Variants in SLC22A7 observed in about 807,000 individuals in gnomAD.
SLC22A7 encodes hOAT2.
Under a neutral mutation model 62.2 loss-of-function variants are expected in SLC22A7, and 48 were observed. The observed-to-expected ratio is 0.77, with a 90% CI of 0.61 to 0.98. The LOEUF (loss-of-function observed/expected upper bound fraction) is 0.98. Ranked by LOEUF, SLC22A7 falls within the 50% of genes least tolerant of loss-of-function variation. SLC22A7 has a pLI of 0.00. For missense variants in SLC22A7, 581 were observed against 703.8 expected, an observed-to-expected ratio of 0.83 and a Z score of 1.97; for synonymous variants, 276 against 314.8, an observed-to-expected ratio of 0.88 and a Z score of 1.30.
In SLC22A7 at chr6:43,304,249, G is replaced by A. The variant is rs775186133; in HGVS notation, c.1592+5G>A. The A allele has an allele frequency of 6.5e-7, 1 of 1,542,492 alleles. No individual in the cohort carries two copies. Among genetic ancestry groups the A allele is most frequent in the Non-Finnish European group, 8.8e-7 (1 of 1,142,676 alleles). On this transcript the variant is annotated splice_donor_5th_base_variant and intron_variant, in intron 10 of 10. Coordinates refer to ENST00000372585, the MANE Select transcript of SLC22A7 (RefSeq NM_153320.2). Reference sequence around the variant, plus strand: ...CCAGGACGTGGAGAGAAAGAGGTGTGTGCACAGGACTGTGTCTGTGTACGT... The same window carrying A: ...CCAGGACGTGGAGAGAAAGAGGTGTATGCACAGGACTGTGTCTGTGTACGT...
At position 43,302,288 on chromosome 6, in the gene SLC22A7, G is replaced by A; in HGVS notation, c.1150G>A (p.Ala384Thr). 1.9e-6 allele frequency: 3 copies of A among 1,613,894 alleles called. No homozygotes were observed. Among genetic ancestry groups the A allele is most frequent in the Non-Finnish European group, 2.5e-6 (3 of 1,179,924 alleles). The part of the protein sequence containing the change: ...NVYQTQLLFG[A>T]VELPSKLLVY... ...GTACCAGACACAGCTGTTGTTCGGG[G>A]CTGTGGAACTGCCCTCCAAGCTGCT... Residue 384 changes from alanine (A) to threonine (T), a missense_variant, in exon 8 of 11, where the codon GCT becomes ACT. Ala to Thr is a moderately conservative substitution (Grantham distance 58). Coordinates refer to ENST00000372585, the MANE Select transcript of SLC22A7 (RefSeq NM_153320.2). The surrounding 1 kb of genome is among the most constrained non-coding windows in gnomAD (Gnocchi z 5.0).
chr6:43,297,477 T>C (rs1778586711), upstream of SLC22A7, among the ~76,000 whole-genome samples: 1 of 152,172 alleles, frequency 6.6e-6, no homozygotes, highest in Non-Finnish European at 1.5e-5. Context: ...AGGGTCAGAT[T>C]GAACATTTGA....
At chr6:43,304,380 C>A in intron 10 of SLC22A7, 136 bp downstream of exon 10, 1 of 785,370 alleles carries the variant, frequency 1.3e-6, no homozygotes. Flanking sequence ...TGTGTGCGTG[C>A]ACAGGTGAGT....
chr6:43,299,660 C>A lies in SLC22A7; in HGVS notation c.537C>A (p.Tyr179Ter), dbSNP rs563268208. The A allele has an allele frequency of 1.2e-6, 2 of 1,614,082 alleles. No individual in the cohort carries two copies. Among genetic ancestry groups the A allele is most frequent in the Non-Finnish European group, 1.7e-6 (2 of 1,180,046 alleles). ...GGCGGCGTCTGCTGCTGGTAGCCTA[C>A]GTGAGTACCCTGGTGCTGGGCCTGG... ...FGRRRLLLVA[Y>*]VSTLVLGLAS... The change falls in exon 4 of 11, where the codon TAC (tyrosine) becomes TAA (stop). Residue 179 changes from tyrosine (Y) to a stop codon, truncating the protein, a stop_gained. Coordinates refer to ENST00000372585, the MANE Select transcript of SLC22A7 (RefSeq NM_153320.2). LOFTEE classifies it high-confidence loss of function. This position sits in a 1 kb window ranked among gnomAD's most constrained non-coding sequence, Gnocchi z 4.4.
In SLC22A7 at chr6:43,299,019, C is replaced by G. The variant is rs1778637687; in HGVS notation, c.394-73C>G. On this transcript the variant is annotated intron_variant, in intron 1 of 10. Coordinates refer to ENST00000372585, the MANE Select transcript of SLC22A7 (RefSeq NM_153320.2). The surrounding 1 kb of genome is among the most constrained non-coding windows in gnomAD (Gnocchi z 4.4). ...GGCTTCAGGGAGTTGAGACAAAGAG[C>G]TGAGAAGGCAATTTCTGCAGCAAGA... The G allele has an allele frequency of 4.8e-6, 7 of 1,444,302 alleles. No homozygotes were observed. The highest frequency in any genetic ancestry group is 3.8e-6 in the Non-Finnish European group (4 of 1,061,562). The allele number at this position is 1,444,302 out of a possible 1,614,324, so 89.5% of individuals were successfully genotyped here. A position where few individuals can be genotyped will look rare whatever the true frequency, so the allele number is the denominator to read the frequency against.
rs1451787276 is a variant in SLC22A7 at position 43,304,798 on chromosome 6, A to C, written c.*73A>C. ...GGAGAGCAGAAGGGCAGGCCCTGCAACTCAGGCTGGGAGTATCGAACCCTC... is the reference window on the plus strand; with the variant it reads ...GGAGAGCAGAAGGGCAGGCCCTGCACCTCAGGCTGGGAGTATCGAACCCTC... On this transcript the variant is annotated 3_prime_UTR_variant, in exon 11 of 11. Coordinates refer to ENST00000372585, the MANE Select transcript of SLC22A7 (RefSeq NM_153320.2). 5.5e-6 allele frequency: 7 copies of C among 1,270,736 alleles called. No individual in the cohort carries two copies. In the East Asian group the frequency reaches 1.8e-4, roughly 33 times the overall value. 78.7% of individuals were successfully genotyped at this position (1,270,736 alleles called of 1,614,324 possible). A position where few individuals can be genotyped will look rare whatever the true frequency, so the allele number is the denominator to read the frequency against.
chr6:43,298,308 G>A lies in SLC22A7; in HGVS notation c.-51G>A. 6.6e-7 allele frequency: 1 copy of A among 1,518,040 alleles called. No individual in the cohort carries two copies. Among genetic ancestry groups the A allele is most frequent in the Admixed American group, 1.8e-5 (1 of 55,770 alleles). The allele number at this position is 1,518,040 out of a possible 1,614,324, so 94.0% of individuals were successfully genotyped here. On this transcript the variant is annotated 5_prime_UTR_variant, in exon 1 of 11. Coordinates refer to ENST00000372585, the MANE Select transcript of SLC22A7 (RefSeq NM_153320.2). ...GTCTATGTGGTGGGCAGTTTGAGCT[G>A]GCTGGATACTAGAGGGAGGCTGCAC...
Position 43,299,535 on chromosome 6 carries a change from A to G in SLC22A7, c.503+42A>G. The G allele has an allele frequency of 6.2e-7, 1 of 1,605,030 alleles. No individual in the cohort carries two copies. Among genetic ancestry groups the G allele is most frequent in the Non-Finnish European group, 8.5e-7 (1 of 1,173,984 alleles). ...GGCCAATAAGAAACTGGCTGGGGGA[A>G]CTTTCTCCCACTAGCTGGGGTATGA... On this transcript the variant is annotated intron_variant, in intron 3 of 10. Transcript: ENST00000372585. This position sits in a 1 kb window ranked among gnomAD's most constrained non-coding sequence, Gnocchi z 4.4.
At chr6:43,301,058 A>T in intron 5 of SLC22A7, 77 bp from the exon 6 acceptor site, 1 of 1,579,750 alleles carries the variant, frequency 6.3e-7, no homozygotes, top group East Asian at 2.3e-5. Flanking sequence ...CTGGAAGTTG[A>T]GAGCCTGTAG....
At chr6:43,300,301 A>C in intron 5 of SLC22A7, 1 of 569,972 alleles carries the variant, frequency 1.8e-6, no homozygotes, top group Non-Finnish European at 3.1e-6. Context: ...AGAGATAAAG[A>C]CAGAGCCAAA....
chr6:43,304,129 C>T lies in SLC22A7; in HGVS notation c.1477C>T (p.Leu493=), dbSNP rs1778857255. 1 of 1,608,238 alleles carries T rather than the reference C, an allele frequency of 6.2e-7. No homozygotes were observed. The highest frequency in any genetic ancestry group is 8.5e-7 in the Non-Finnish European group (1 of 1,176,606). ...AALLDGVWLS[L]PKLTYGGIAL... is the part of the protein sequence containing the mutation. ...CTTGCTGGATGGAGTGTGGCTGTCA[C>T]TGCCCAAGCTTACTTATGGGGGGAT... is the stretch of plus-strand genomic sequence containing the variant. Residue 493 remains leucine (L), a synonymous_variant, in exon 10 of 11, where the codon CTG becomes TTG. Coordinates refer to ENST00000372585, the MANE Select transcript of SLC22A7 (RefSeq NM_153320.2).
rs1237431503 is a variant in SLC22A7, at chr6:43,299,066, T to C, written c.394-26T>C. The C allele has an allele frequency of 1.3e-6, 2 of 1,572,668 alleles. No homozygotes were observed. The highest frequency in any genetic ancestry group is 1.7e-6 in the Non-Finnish European group (2 of 1,159,442). On this transcript the variant is annotated intron_variant, in intron 1 of 10. Transcript: ENST00000372585. This position sits in a 1 kb window ranked among gnomAD's most constrained non-coding sequence, Gnocchi z 4.4. Reference sequence around the variant, plus strand: ...AAGAGGTGGAGAAACAATAGAGGCCTTCTTTTCTCCCTTCCTCTTTTCCAG... The same window carrying C: ...AAGAGGTGGAGAAACAATAGAGGCCCTCTTTTCTCCCTTCCTCTTTTCCAG...
chr6:43,303,015 A>G (rs1464241628), intron 9 of SLC22A7: 2 of 666,446 alleles, frequency 3.0e-6, no homozygotes, highest in African/African-American at 3.9e-5. Flanking sequence ...CACCGCACCC[A>G]GCCTCTCACT....
chr6:43,302,869 TTTTTAA>T lies in SLC22A7; in HGVS notation c.1385+117_1385+122del. 1.2e-6 allele frequency: 1 copy of T among 805,806 alleles called. No homozygotes were observed. The highest frequency in any genetic ancestry group is 2.7e-5 in the East Asian group (1 of 36,868). The allele number at this position is 805,806 out of a possible 1,614,324, so 49.9% of individuals were successfully genotyped here. A position where few individuals can be genotyped will look rare whatever the true frequency, so the allele number is the denominator to read the frequency against. On this transcript the variant is annotated intron_variant, in intron 9 of 10. Transcript: ENST00000372585. The surrounding 1 kb of genome is among the most constrained non-coding windows in gnomAD (Gnocchi z 5.0). The stretch of plus-strand genomic sequence containing the variant: ...ACAACCTGGTCTCTCACTCATTTTT[TTTTTAA>T]TTTTAATTTTTGGTAGAGACGGGGT...
chr6:43,299,691 G>A lies in SLC22A7; in HGVS notation c.568G>A (p.Ala190Thr), dbSNP rs752300645. ...TACCCTGGTGCTGGGCCTGGCATCT[G>A]CAGCCTCCGTCAGCTATGTAATGTT... ...VSTLVLGLAS[A>T]ASVSYVMFAI... Residue 190 changes from alanine to threonine, a missense_variant, in exon 4 of 11, where the codon GCA (alanine) becomes ACA (threonine). Transcript: ENST00000372585. This position sits in a 1 kb window ranked among gnomAD's most constrained non-coding sequence, Gnocchi z 4.4. 3 of 1,614,078 alleles carry A rather than the reference G, an allele frequency of 1.9e-6. No individual in the cohort carries two copies. Among genetic ancestry groups the A allele is most frequent in the Admixed American group, 1.7e-5 (1 of 60,002 alleles).
At position 43,304,261 on chromosome 6, in the gene SLC22A7, G is replaced by A; in HGVS notation, c.1592+17G>A. ...GAGAAAGAGGTGTGTGCACAGGACT[G>A]TGTCTGTGTACGTGTGATAACATGC... On this transcript the variant is annotated intron_variant, in intron 10 of 10. Transcript: ENST00000372585. 2 of 1,505,212 alleles carry A rather than the reference G, an allele frequency of 1.3e-6. No individual in the cohort carries two copies. Among genetic ancestry groups the A allele is most frequent in the Non-Finnish European group, 1.8e-6 (2 of 1,123,436 alleles). The allele number at this position is 1,505,212 out of a possible 1,614,324, so 93.2% of individuals were successfully genotyped here.
chr6:43,304,749 A>C lies in SLC22A7; in HGVS notation c.*24A>C. Reference sequence around the variant, plus strand: ...AAGTGGGAGTGGAGGCAGGCCCTCCACAGAAGCTCTGCAGCAGGGGCTGGG... The same window carrying C: ...AAGTGGGAGTGGAGGCAGGCCCTCCCCAGAAGCTCTGCAGCAGGGGCTGGG... On this transcript the variant is annotated 3_prime_UTR_variant, in exon 11 of 11. Coordinates refer to ENST00000372585, the MANE Select transcript of SLC22A7 (RefSeq NM_153320.2). The C allele has an allele frequency of 1.3e-6, 2 of 1,534,872 alleles. No homozygotes were observed. Among genetic ancestry groups the C allele is most frequent in the Non-Finnish European group, 1.8e-6 (2 of 1,132,218 alleles).
Position 43,302,826 on chromosome 6 carries a change from C to A in SLC22A7, c.1385+63C>A. The A allele has an allele frequency of 9.4e-7, 1 of 1,062,084 alleles. No individual in the cohort carries two copies. Among genetic ancestry groups the A allele is most frequent in the Non-Finnish European group, 1.4e-6 (1 of 699,278 alleles). The allele number at this position is 1,062,084 out of a possible 1,614,324, so 65.8% of individuals were successfully genotyped here. On this transcript the variant is annotated intron_variant, in intron 9 of 10. Transcript: ENST00000372585. The surrounding 1 kb of genome is among the most constrained non-coding windows in gnomAD (Gnocchi z 5.0). ...TGTTAGTCACGTGTCTTAACCAACA[C>A]TTCTACATACACGCACCACAACCTG...
chr6:43,302,808 C>T lies in SLC22A7; in HGVS notation c.1385+45C>T, dbSNP rs1321609553. ...ATCTGGGGGTATGGGGCTTGTTAGT[C>T]ACGTGTCTTAACCAACACTTCTACA... On this transcript the variant is annotated intron_variant, in intron 9 of 10. Transcript: ENST00000372585. The surrounding 1 kb of genome is among the most constrained non-coding windows in gnomAD (Gnocchi z 5.0). The T allele has an allele frequency of 8.5e-6, 11 of 1,301,460 alleles. No individual in the cohort carries two copies. The Admixed American group carries it at 2.1e-4, about 24-fold the overall frequency. The allele number at this position is 1,301,460 out of a possible 1,614,324, so 80.6% of individuals were successfully genotyped here.
Sources: gnomAD v4.1 joint callset for allele counts (sites outside exome capture counted in the v4.1 genomes callset) on GRCh38, gnomAD v4.1.1 for gene constraint, Gnocchi (gnomAD v3.1) non-coding constraint, MANE v1.5 for transcripts, NCBI Gene and HGNC (gene_info 2026-07-23, HGNC 2026-07-21) for gene names.